Variants in DHRS7B observed in about 807,000 individuals in gnomAD.
DHRS7B encodes dehydrogenase/reductase 7B, also known as peroxisomal reductase activating PPAR-gamma.
DHRS7B carries 24 observed loss-of-function variants against 26.4 expected under a neutral mutation model. The observed-to-expected ratio is 0.91, with a 90% CI of 0.66 to 1.28. The LOEUF is 1.28. Ranked by LOEUF, DHRS7B falls within the 50% of genes most tolerant of loss-of-function variation. DHRS7B has a pLI of 0.00. For missense variants in DHRS7B, 368 were observed against 419.4 expected, an observed-to-expected ratio of 0.88 and a Z score of 1.07; for synonymous variants, 142 against 166.4, an observed-to-expected ratio of 0.85 and a Z score of 1.13.
intron 1 of DHRS7B, among the ~76,000 whole-genome samples, chr17:21,169,084 T>C (rs551899153): frequency 6.6e-6 from 1 of 152,322 alleles, no homozygotes; most frequent in African/African-American, 2.4e-5. Flanking sequence ...ACCTGTCTGC[T>C]CTCTCCTGCT....
chr17:21,173,081 G>C (rs1974297210), intron 2 of DHRS7B, among the ~76,000 whole-genome samples: 1 of 152,242 alleles, frequency 6.6e-6, no homozygotes, highest in Admixed American at 6.5e-5. Flanking sequence ...AGCTGATGGA[G>C]CACCTGCTAA....
At chr17:21,145,660 A>C (rs1259128786) in intron 1 of DHRS7B, among the ~76,000 whole-genome samples, 1 of 152,250 alleles carries the variant, frequency 6.6e-6, no homozygotes, top group Non-Finnish European at 1.5e-5. Flanking sequence ...ATGCATGTAG[A>C]AACTATACTC....
intron 1 of DHRS7B, among the ~76,000 whole-genome samples, chr17:21,167,289 G>A (rs1365368590): frequency 1.3e-5 from 2 of 152,164 alleles, no homozygotes; most frequent in African/African-American, 2.4e-5. Context: ...GAGAAGCCCC[G>A]AACTCTGGCT....
Position 21,176,094 on chromosome 17 carries a change from G to A in DHRS7B, c.200-2139G>A, listed in dbSNP as rs549571224. Among the ~76,000 whole-genome samples, 468 of 152,078 alleles carry A rather than the reference G, an allele frequency of 3.1e-3. 6 individuals carry two copies. The highest frequency in any genetic ancestry group is 2.8e-3 in the Non-Finnish European group (193 of 67,994). On this transcript the variant is annotated intron_variant, in intron 2 of 6. Coordinates refer to ENST00000395511, the MANE Select transcript of DHRS7B (RefSeq NM_015510.5). The stretch of plus-strand genomic sequence containing the variant: ...CTCACTTGACTTCCCAGGCTCAAGG[G>A]ATCCTCCCACCTTAGCCTCCTGAGT...
intron 1 of DHRS7B, among the ~76,000 whole-genome samples, chr17:21,133,557 G>A (rs2143864309): frequency 6.6e-6 from 1 of 152,342 alleles, no homozygotes; most frequent in East Asian, 1.9e-4. Flanking sequence ...TGAATAGAAT[G>A]GGAGGCAGGT....
intron 3 of DHRS7B, among the ~76,000 whole-genome samples, chr17:21,181,147 T>G (rs1437464663): frequency 6.6e-6 from 1 of 152,202 alleles, no homozygotes; most frequent in Non-Finnish European, 1.5e-5. Flanking sequence ...AGTTCAGTAG[T>G]GCAATCATGG....
intron 4 of DHRS7B, 148 bp from the exon 5 acceptor site, chr17:21,184,223 G>GA (rs1320791747): frequency 1.5e-6 from 1 of 678,062 alleles, no homozygotes; most frequent in Non-Finnish European, 2.5e-6. Context: ...TAGGAGGCTG[G>GA]AAGTTCCAAC....
chr17:21,134,436 A>G (rs1973300613), intron 1 of DHRS7B, among the ~76,000 whole-genome samples: 1 of 152,220 alleles, frequency 6.6e-6, no homozygotes, highest in South Asian at 2.1e-4. Context: ...GTTCCAAGAT[A>G]AACCTGGGGC....
Position 21,171,646 on chromosome 17 carries a change from A to G in DHRS7B, c.21-372A>G, listed in dbSNP as rs923900526. 14 of 338,860 alleles carry G rather than the reference A, an allele frequency of 4.1e-5. No individual in the cohort carries two copies. In the Admixed American group the frequency reaches 4.4e-4, roughly 11 times the overall value. 21.0% of individuals were successfully genotyped at this position (338,860 alleles called of 1,614,324 possible). ...AAGTATTCAGGGATTGAAAATGAAAACAGGCATTACTTGAGGTAAGGCCAA... is the reference window on the plus strand; with the variant it reads ...AAGTATTCAGGGATTGAAAATGAAAGCAGGCATTACTTGAGGTAAGGCCAA... On this transcript the variant is annotated intron_variant, in intron 1 of 6. Coordinates refer to ENST00000395511, the MANE Select transcript of DHRS7B (RefSeq NM_015510.5).
chr17:21,190,938 T>C lies in DHRS7B; in HGVS notation c.773-10T>C. ...AAGTTCATGTGTTTCTTTTGTTTTA[T>C]TTATTTTAGTTATGGACACCACCAC... On this transcript the variant is annotated splice_polypyrimidine_tract_variant and intron_variant, in intron 6 of 6. Coordinates refer to ENST00000395511, the MANE Select transcript of DHRS7B (RefSeq NM_015510.5). The C allele has an allele frequency of 6.2e-7, 1 of 1,613,364 alleles. No individual in the cohort carries two copies. Among genetic ancestry groups the C allele is most frequent in the East Asian group, 2.2e-5 (1 of 44,888 alleles).
intron 1 of DHRS7B, among the ~76,000 whole-genome samples, chr17:21,160,543 A>T (rs1973979450): frequency 6.6e-6 from 1 of 152,216 alleles, no homozygotes; most frequent in Non-Finnish European, 1.5e-5. Flanking sequence ...ACTAAATAGG[A>T]TGGCCAAAAT....
At chr17:21,137,259 C>T (rs931852538) in intron 1 of DHRS7B, among the ~76,000 whole-genome samples, 5 of 147,400 alleles carry the variant, frequency 3.4e-5, no homozygotes, top group African/African-American at 1.2e-4. Context: ...GAATTATAGG[C>T]GTGAGCCACT....
intron 1 of DHRS7B, among the ~76,000 whole-genome samples, chr17:21,152,189 G>T (rs1973786832): frequency 6.6e-6 from 1 of 152,068 alleles, no homozygotes; most frequent in Non-Finnish European, 1.5e-5. Context: ...GGATCTCACT[G>T]TGTCACCCAG....
intron 1 of DHRS7B, among the ~76,000 whole-genome samples, chr17:21,156,521 C>G (rs1973883926): frequency 1.3e-5 from 2 of 151,926 alleles, no homozygotes. Context: ...AGGAGAATCG[C>G]TTGAACCTGG....
At position 21,155,759 on chromosome 17, in the gene DHRS7B, A is replaced by G. The variant is rs1287333774; in HGVS notation, c.21-16259A>G. 4.6e-5 allele frequency among the ~76,000 whole-genome samples: 7 copies of G among 152,348 alleles called. No homozygotes were observed. The East Asian group carries it at 1.3e-3, about 29-fold the overall frequency. On this transcript the variant is annotated intron_variant, in intron 1 of 6. Coordinates refer to ENST00000395511, the MANE Select transcript of DHRS7B (RefSeq NM_015510.5). ...AATAAATATAAAGGAACAGAAATAC[A>G]TTGTCTGCTTCCAGACCACGATGGA...
chr17:21,174,622 A>C (rs759129242), intron 2 of DHRS7B, among the ~76,000 whole-genome samples: 2 of 152,198 alleles, frequency 1.3e-5, no homozygotes, highest in Non-Finnish European at 2.9e-5. Flanking sequence ...CTTTGCTAGG[A>C]AGCAAAACTC....
intron 1 of DHRS7B, among the ~76,000 whole-genome samples, chr17:21,156,701 T>C (rs1185912785): frequency 1.3e-5 from 2 of 151,816 alleles, no homozygotes; most frequent in African/African-American, 2.4e-5. Context: ...TCACCTGAGG[T>C]CAGGAGTTCG....
At chr17:21,148,840 G>A (rs1973698276) in intron 1 of DHRS7B, among the ~76,000 whole-genome samples, 1 of 152,054 alleles carries the variant, frequency 6.6e-6, no homozygotes, top group Admixed American at 6.6e-5. Context: ...TACCTGAAAA[G>A]GCCCAAACTA....
intron 1 of DHRS7B, 24 bp from the exon 2 acceptor site, chr17:21,171,994 T>A: frequency 6.2e-7 from 1 of 1,613,824 alleles, no homozygotes; most frequent in Non-Finnish European, 8.5e-7. Flanking sequence ...TTGTCACTGG[T>A]GTGTTTGGTT....
Sources: allele counts gnomAD v4.1 joint callset (sites outside exome capture counted in the v4.1 genomes callset), GRCh38; gene constraint gnomAD v4.1.1; transcripts MANE v1.5; gene names NCBI Gene and HGNC (gene_info 2026-07-23, HGNC 2026-07-21).